The following SMG1 variants were observed in gnomAD, a reference collection of about 807,000 sequenced individuals.
The protein encoded by SMG1 is SMG1 nonsense mediated mRNA decay associated PI3K related kinase, also known as serine/threonine-protein kinase SMG1.
A neutral mutation model predicts 419.9 loss-of-function variants in SMG1; 22 were observed. The observed-to-expected ratio is 0.05, with a 90% CI of 0.04 to 0.07. The LOEUF (loss-of-function observed/expected upper bound fraction) is 0.07. SMG1 is among the 10% of genes least tolerant of loss of function. The pLI, the probability that SMG1 is intolerant of heterozygous loss-of-function variation, is 1.00. For synonymous variants in SMG1, 1,538 were observed against 1,553.5 expected (o/e 0.99, Z 0.23); for missense variants, 3,185 against 4,342.0 (o/e 0.73, Z 7.49).
rs377464344 is a variant in SMG1, at chr16:18,866,683, T to C, written c.3288A>G (p.Ser1096=). The change falls in exon 23 of 63, where the codon TCA becomes TCG. Residue 1096 remains serine (S), a synonymous_variant. Coordinates refer to ENST00000446231, the MANE Select transcript of SMG1 (RefSeq NM_015092.5). ...PEAIQGIAVW[S]SSIVGKNLLW... is the part of the protein sequence containing the mutation. Reference sequence around the variant, plus strand: ...GAAGATTTTTTCCAACAATAGATGATGACCAGACAGCAATTCCCTGTATAG... The same window carrying C: ...GAAGATTTTTTCCAACAATAGATGACGACCAGACAGCAATTCCCTGTATAG... The C allele has an allele frequency of 1.9e-6, 3 of 1,595,008 alleles. No individual in the cohort carries two copies. Among genetic ancestry groups the C allele is most frequent in the East Asian group, 2.2e-5 (1 of 44,856 alleles).
At chr16:18,897,371 A>C (rs1389223912) in intron 1 of SMG1, among the ~76,000 whole-genome samples, 4 of 152,156 alleles carry the variant, frequency 2.6e-5, no homozygotes, top group Admixed American at 6.5e-5. Flanking sequence ...CAGTCAAAAA[A>C]TTTCAGCCTT....
In SMG1 at chr16:18,877,125, A is replaced by T. The variant is rs1380312688; in HGVS notation, c.1620+6T>A. ...TGTCAAAATTCATTATCAATGTATT[A>T]CTTACCTCTTTTTCTTTATGATAAC... On this transcript the variant is annotated splice_donor_region_variant and intron_variant, in intron 12 of 62. Transcript: ENST00000446231. 2.6e-6 allele frequency: 4 copies of T among 1,533,884 alleles called. No individual in the cohort carries two copies. Among genetic ancestry groups the T allele is most frequent in the Non-Finnish European group, 3.5e-6 (4 of 1,138,796 alleles).
At position 18,847,456 on chromosome 16, in the gene SMG1, C is replaced by A; in HGVS notation, c.5993G>T (p.Arg1998Leu). The change falls in exon 38 of 63, where the codon CGC becomes CTC. Residue 1998 changes from arginine to leucine, a missense_variant. Physicochemically the swap from Arg to Leu is moderately radical, Grantham distance 102. Around this residue, in one of 27 missense-constraint regions of SMG1, gnomAD observed 159 missense variants for 196.0 expected, o/e 0.81. Transcript: ENST00000446231. The part of the protein sequence containing the change: ...VKRVQNNNTL[R>L]KEEKIAIMRE... ...GGACAAGTGTATGGAAACATACTTG[C>A]GTAAGGTGTTGTTGTTCTGGACTCT... 6.2e-7 allele frequency: 1 copy of A among 1,613,944 alleles called. No individual in the cohort carries two copies. Among genetic ancestry groups the A allele is most frequent in the Non-Finnish European group, 8.5e-7 (1 of 1,179,836 alleles).
intron 39 of SMG1, among the ~76,000 whole-genome samples, chr16:18,844,583 C>CACACACACACACAT (rs2034146847): frequency 6.8e-6 from 1 of 148,078 alleles, no homozygotes. Flanking sequence ...CACACACACA[C>CACACACACACACAT]GGAAACTCGA....
intron 1 of SMG1, chr16:18,900,002 C>G (rs913326736): frequency 1.3e-6 from 2 of 1,530,344 alleles, no homozygotes; most frequent in Non-Finnish European, 1.7e-6. Context: ...AAATCGCATA[C>G]TGTATAATAT....
At chr16:18,870,210 G>A (rs1405715471) in intron 18 of SMG1, among the ~76,000 whole-genome samples, 5 of 151,978 alleles carry the variant, frequency 3.3e-5, no homozygotes, top group Non-Finnish European at 5.9e-5. Flanking sequence ...ATTTGAGGGA[G>A]GCATATCAAA....
Position 18,827,485 on chromosome 16 carries a change from G to C in SMG1, c.9741+546C>G, listed in dbSNP as rs1341931661. On this transcript the variant is annotated intron_variant, in intron 55 of 62. Transcript: ENST00000446231. ...ATATATATATTTTTATATATATTTG[G>C]TATAAATATACCAAAATATATATTT... is the stretch of plus-strand genomic sequence containing the variant. Among the ~76,000 whole-genome samples the C allele has an allele frequency of 5.1e-5, 7 of 138,586 alleles. No homozygotes were observed. The East Asian group carries it at 1.2e-3, about 24-fold the overall frequency. The allele number at this position is 138,586 out of a possible 152,430, so 90.9% of individuals were successfully genotyped here. A position where few individuals can be genotyped will look rare whatever the true frequency, so the allele number is the denominator to read the frequency against.
At position 18,834,207 on chromosome 16, in the gene SMG1, A is replaced by C. The variant is rs1243743885; in HGVS notation, c.8562T>G (p.Leu2854=). ...TATTTAAAATAAAAGTGTTCACCTGAAGTGAGGTATACACTCCATTGGCTA... is the reference window on the plus strand; with the variant it reads ...TATTTAAAATAAAAGTGTTCACCTGCAGTGAGGTATACACTCCATTGGCTA... The part of the protein sequence containing the change: ...VHLANGVYTS[L]QELNSNFRQI... Residue 2854 remains leucine, a synonymous_variant, in exon 50 of 63, where the codon CTT becomes CTG. Coordinates refer to ENST00000446231, the MANE Select transcript of SMG1 (RefSeq NM_015092.5). 2 of 1,581,634 alleles carry C rather than the reference A, an allele frequency of 1.3e-6. No individual in the cohort carries two copies. Among genetic ancestry groups the C allele is most frequent in the Admixed American group, 1.8e-5 (1 of 55,908 alleles).
At chr16:18,883,389 G>T (rs2036483683) in intron 9 of SMG1, among the ~76,000 whole-genome samples, 1 of 152,232 alleles carries the variant, frequency 6.6e-6, no homozygotes, top group South Asian at 2.1e-4. Context: ...CTGTACATAT[G>T]TAAGAGGAAA....
chr16:18,886,327 C>A (rs1399489970), intron 6 of SMG1, among the ~76,000 whole-genome samples: 1 of 152,082 alleles, frequency 6.6e-6, no homozygotes, highest in Non-Finnish European at 1.5e-5. Flanking sequence ...CATGCAGGCT[C>A]AGGTTACCAT....
At chr16:18,842,160 A>C in intron 40 of SMG1, 48 bp downstream of exon 40, 1 of 1,556,930 alleles carries the variant, frequency 6.4e-7, no homozygotes, top group East Asian at 2.3e-5. Context: ...ACAAAGCATT[A>C]GTAAGACTAA....
At chr16:18,920,887 C>T (rs1270528338) in intron 1 of SMG1, among the ~76,000 whole-genome samples, 1 of 151,938 alleles carries the variant, frequency 6.6e-6, no homozygotes, top group Non-Finnish European at 1.5e-5. Context: ...TCTGTAATCC[C>T]AGCACTTTGG....
rs1195289406 is a variant in SMG1 at position 18,864,089 on chromosome 16, C to G, written c.3406G>C (p.Asp1136His). The change falls in exon 24 of 63, where the codon GAT (aspartate) becomes CAT (histidine). Residue 1136 changes from aspartate to histidine, a missense_variant. Asp to His is a moderately conservative substitution (Grantham distance 81). Around this residue, in one of 27 missense-constraint regions of SMG1, gnomAD observed 121 missense variants for 125.4 expected, o/e 0.96. Coordinates refer to ENST00000446231, the MANE Select transcript of SMG1 (RefSeq NM_015092.5). ...QEHLCAMTGV[D>H]CCISSFDKSV... ...TTGTCAAAGCTGGAGATGCAGCAATCAACACCTGTCATGGCACACAGGTGT... is the reference window on the plus strand; with the variant it reads ...TTGTCAAAGCTGGAGATGCAGCAATGAACACCTGTCATGGCACACAGGTGT... 6.5e-7 allele frequency: 1 copy of G among 1,549,082 alleles called. No individual in the cohort carries two copies. The highest frequency in any genetic ancestry group is 8.7e-7 in the Non-Finnish European group (1 of 1,146,590).
chr16:18,852,068 T>C lies in SMG1; in HGVS notation c.5051A>G (p.Gln1684Arg). The change falls in exon 33 of 63, where the codon CAG becomes CGG. Residue 1684 changes from glutamine (Q) to arginine (R), a missense_variant and splice_region_variant. By Grantham distance (43) the Gln-to-Arg change is conservative. Coordinates refer to ENST00000446231, the MANE Select transcript of SMG1 (RefSeq NM_015092.5). Reference sequence around the variant, plus strand: ...CCCCAAGCACCATGTTTTCCTTGCCTGAATCCCCGCCGGCCGACACACAGC... The same window carrying C: ...CCCCAAGCACCATGTTTTCCTTGCCCGAATCCCCGCCGGCCGACACACAGC... ...GQAVCRPAGI[Q>R]DEDITLQITE... is the part of the protein sequence containing the mutation. 1 of 1,604,900 alleles carries C rather than the reference T, an allele frequency of 6.2e-7. No homozygotes were observed. Among genetic ancestry groups the C allele is most frequent in the South Asian group, 1.1e-5 (1 of 88,810 alleles).
chr16:18,865,368 C>T (rs926558925), intron 23 of SMG1, among the ~76,000 whole-genome samples: 1 of 152,068 alleles, frequency 6.6e-6, no homozygotes. Context: ...GAAGGGGGTA[C>T]TCTATTATTA....
At chr16:18,916,476 A>G (rs1316046889) in intron 1 of SMG1, among the ~76,000 whole-genome samples, 1 of 142,952 alleles carries the variant, frequency 7.0e-6, no homozygotes, top group Non-Finnish European at 1.5e-5. Context: ...AGATCCTGCC[A>G]CTGCACTCCA....
intron 22 of SMG1, among the ~76,000 whole-genome samples, chr16:18,867,051 T>C (rs906991878): frequency 1.3e-5 from 2 of 152,028 alleles, no homozygotes; most frequent in Non-Finnish European, 2.9e-5. Context: ...GAACAACACA[T>C]GGAGTAAAAA....
intron 22 of SMG1, 138 bp downstream of exon 22, chr16:18,868,052 C>T (rs2035619061): frequency 2.5e-6 from 2 of 806,054 alleles, no homozygotes; most frequent in South Asian, 1.7e-5. Flanking sequence ...GTTGCTTTTA[C>T]AAAATACAGG....
chr16:18,867,353 G>C (rs1186767131), intron 22 of SMG1, among the ~76,000 whole-genome samples: 1 of 151,914 alleles, frequency 6.6e-6, no homozygotes, highest in Non-Finnish European at 1.5e-5. Context: ...GGCCAACATG[G>C]TGAAACCCTG....
Sources: gnomAD v4.1 joint callset for allele counts (sites outside exome capture counted in the v4.1 genomes callset) on GRCh38, gnomAD v4.1.1 for gene constraint, gnomAD v4.1.1 regional missense constraint, MANE v1.5 for transcripts, NCBI Gene and HGNC (gene_info 2026-07-23, HGNC 2026-07-21) for gene names.